Variants in BBS4 observed in about 807,000 individuals in gnomAD.
BBS4 encodes BBSome complex member BBS4.
BBS4 carries 58 observed loss-of-function variants against 71.4 expected under a neutral mutation model. The observed-to-expected ratio is 0.81, with a 90% confidence interval of 0.66 to 1.01. The LOEUF (loss-of-function observed/expected upper bound fraction) is 1.01. Ranked by LOEUF, BBS4 falls within the 50% of genes least tolerant of loss-of-function variation. BBS4 has a pLI of 0.00. For missense variants in BBS4, 660 were observed against 607.9 expected, an observed-to-expected ratio of 1.09 and a Z score of -0.90; for synonymous variants, 228 against 216.8, an observed-to-expected ratio of 1.05 and a Z score of -0.46.
At chr15:72,688,409 A>ATTTTTTTTTTTTTTTTTTTTTTT (rs1188469848) in intron 1 of BBS4, among the ~76,000 whole-genome samples, 1 of 24,106 alleles carries the variant, frequency 4.1e-5, no homozygotes, top group Non-Finnish European at 9.8e-5. Flanking sequence ...GTGGTATTTT[A>ATTTTTTTTTTTTTTTTTTTTTTT]TCTTTTTTTT....
In BBS4 at chr15:72,707,338, C is replaced by G. The variant is rs538716138; in HGVS notation, c.77-2362C>G. On this transcript the variant is annotated intron_variant, in intron 2 of 15. Coordinates refer to ENST00000268057, the MANE Select transcript of BBS4 (RefSeq NM_033028.5). ...GGATGTCAGGATGCGCCACCACACC[C>G]TGCTAATTTTTGTATTTTTTTGTAG... Among the ~76,000 whole-genome samples, 19 of 151,898 alleles carry G rather than the reference C, an allele frequency of 1.3e-4. 1 individual carries two copies. The South Asian group carries it at 3.7e-3, about 30-fold the overall frequency.
chr15:72,723,652 T>A (rs1567421368), intron 7 of BBS4, among the ~76,000 whole-genome samples: 1 of 152,166 alleles, frequency 6.6e-6, no homozygotes, highest in Non-Finnish European at 1.5e-5. Context: ...TGAAAAAAAA[T>A]ATGCACATTA....
At chr15:72,734,683 G>C (rs193199816) in intron 12 of BBS4, among the ~76,000 whole-genome samples, 1 of 152,046 alleles carries the variant, frequency 6.6e-6, no homozygotes, top group African/African-American at 2.4e-5. Context: ...TTTAAAAAGT[G>C]GGGGGAGTGT....
At chr15:72,702,937 A>G (rs771245804) in intron 2 of BBS4, among the ~76,000 whole-genome samples, 167 of 145,992 alleles carry the variant, frequency 1.1e-3, no homozygotes, top group Non-Finnish European at 1.4e-3. Context: ...CCTCCCAAGT[A>G]GCTGGGACTA....
At chr15:72,710,220 T>TTTG (rs2065343526) in intron 3 of BBS4, among the ~76,000 whole-genome samples, 3 of 121,236 alleles carry the variant, frequency 2.5e-5, no homozygotes, top group African/African-American at 6.4e-5. Flanking sequence ...TTTTTTTTTT[T>TTTG]GAGATGGAGT....
chr15:72,722,637 AATTT>A (rs767852474), intron 6 of BBS4, among the ~76,000 whole-genome samples, 153 bp from the exon 7 acceptor site: 4 of 152,352 alleles, frequency 2.6e-5, no homozygotes, highest in African/African-American at 4.8e-5. Context: ...TTTAACAATT[AATTT>A]GAGTATGAAC....
chr15:72,712,219 A>G (rs1308743058), intron 3 of BBS4, 25 bp from the exon 4 acceptor site: 2 of 1,610,914 alleles, frequency 1.2e-6, no homozygotes, highest in Non-Finnish European at 1.7e-6. Context: ...ACCACTGCTC[A>G]GAAGCATTTT....
chr15:72,700,002 C>T (rs764960803), intron 2 of BBS4, among the ~76,000 whole-genome samples: 1 of 152,132 alleles, frequency 6.6e-6, no homozygotes, highest in Non-Finnish European at 1.5e-5. Context: ...TGCAGTGGTG[C>T]GATCTCAGCT....
chr15:72,733,075 G>A (rs2065855473), intron 12 of BBS4, among the ~76,000 whole-genome samples: 1 of 152,186 alleles, frequency 6.6e-6, no homozygotes, highest in African/African-American at 2.4e-5. Context: ...AGGTACTCTT[G>A]TAGGGGTTAT....
At chr15:72,717,366 T>G (rs2065485685) in intron 6 of BBS4, 1 of 147,818 alleles carries the variant, frequency 6.8e-6, no homozygotes, top group African/African-American at 2.5e-5. Context: ...TTCGTTTTTG[T>G]TTTTTTTTTT....
intron 6 of BBS4, 135 bp downstream of exon 6, chr15:72,716,985 G>A (rs2065478604): frequency 2.8e-6 from 2 of 715,390 alleles, no homozygotes; most frequent in South Asian, 1.7e-5. Context: ...TTCATGATTT[G>A]TATAAGTATA....
chr15:72,710,123 G>A lies in BBS4; in HGVS notation c.156+344G>A, dbSNP rs963638386. ...CTCTCTTGGACATGTTGGTCTTCTG[G>A]TGGAGGCAGATGTTCAACTCAGCAT... On this transcript the variant is annotated intron_variant, in intron 3 of 15. Coordinates refer to ENST00000268057, the MANE Select transcript of BBS4 (RefSeq NM_033028.5). 1.8e-4 allele frequency among the ~76,000 whole-genome samples: 28 copies of A among 151,420 alleles called. 1 individual carries two copies. Among genetic ancestry groups the A allele is most frequent in the South Asian group, 1.5e-3 (7 of 4,788 alleles).
intron 6 of BBS4, chr15:72,717,126 G>A (rs1595929867): frequency 2.3e-6 from 1 of 431,122 alleles, no homozygotes; most frequent in Admixed American, 3.9e-5. Context: ...TATTTTTTTC[G>A]TCATTGGAAT....
intron 3 of BBS4, 26 bp downstream of exon 3, chr15:72,709,805 A>G (rs771001840): frequency 1.9e-6 from 3 of 1,591,478 alleles, no homozygotes; most frequent in Non-Finnish European, 2.6e-6. Context: ...AATAATAAAA[A>G]TGAGAGGCAG....
At chr15:72,736,103 C>A (rs1873835530) in intron 14 of BBS4, 137 bp downstream of exon 14, 3 of 974,798 alleles carry the variant, frequency 3.1e-6, no homozygotes, top group Non-Finnish European at 4.6e-6. Flanking sequence ...AGCATGAGTT[C>A]ATCAATTAAT....
rs1390332060 is a variant in BBS4, at chr15:72,738,028, T to C, written c.*441T>C. 2.2e-6 allele frequency: 1 copy of C among 454,128 alleles called. No individual in the cohort carries two copies. The highest frequency in any genetic ancestry group is 2.3e-5 in the Admixed American group (1 of 42,572). 28.1% of individuals were successfully genotyped at this position (454,128 alleles called of 1,614,324 possible). A position where few individuals can be genotyped will look rare whatever the true frequency, so the allele number is the denominator to read the frequency against. On this transcript the variant is annotated 3_prime_UTR_variant, in exon 16 of 16. Transcript: ENST00000268057. ...CTGAGGTGATCCTCAGGTTGTGAGGTTTATTAGTCCCCAAGGCAAACACAA... is the reference window on the plus strand; with the variant it reads ...CTGAGGTGATCCTCAGGTTGTGAGGCTTATTAGTCCCCAAGGCAAACACAA...
chr15:72,734,459 T>C (rs1031290606), intron 12 of BBS4, among the ~76,000 whole-genome samples: 1 of 152,144 alleles, frequency 6.6e-6, no homozygotes, highest in Non-Finnish European at 1.5e-5. Context: ...TGATGGGAGA[T>C]GAATCAGGAA....
intron 2 of BBS4, among the ~76,000 whole-genome samples, chr15:72,695,609 C>G (rs182539024): frequency 1.1e-4 from 16 of 152,194 alleles, no homozygotes; most frequent in Non-Finnish European, 1.8e-4. Flanking sequence ...CTTGTTGATT[C>G]TTTTATCTAT....
chr15:72,689,094 TA>T (rs572863477), intron 1 of BBS4, among the ~76,000 whole-genome samples: 69 of 151,356 alleles, frequency 4.6e-4, no homozygotes, highest in African/African-American at 1.6e-3. Flanking sequence ...TACATTTAAA[TA>T]AAAGGTAGAT....
Sources: gnomAD v4.1 joint callset for allele counts (sites outside exome capture counted in the v4.1 genomes callset) on GRCh38, gnomAD v4.1.1 for gene constraint, MANE v1.5 for transcripts, NCBI Gene and HGNC (gene_info 2026-07-23, HGNC 2026-07-21) for gene names.